The following SOX6 variants were observed in gnomAD, a reference collection of about 807,000 sequenced individuals.
SOX6 encodes SRY-box transcription factor 6.
Under a neutral mutation model 97.8 loss-of-function variants are expected in SOX6, and 11 were observed. The ratio of observed to expected loss-of-function variants is 0.11; its 90% CI spans 0.07 to 0.19. The LOEUF (loss-of-function observed/expected upper bound fraction) is 0.19. Ranked by LOEUF, SOX6 falls within the 10% of genes least tolerant of loss-of-function variation. The pLI, the probability that SOX6 is intolerant of heterozygous loss-of-function variation, is 1.00. For synonymous variants in SOX6, 360 were observed against 371.4 expected, an observed-to-expected ratio of 0.97 and a Z score of 0.35; for missense variants, 810 against 1,039.5, an observed-to-expected ratio of 0.78 and a Z score of 3.04.
intron 3 of SOX6, among the ~76,000 whole-genome samples, chr11:16,619,451 T>C (rs1347407231): frequency 6.6e-6 from 1 of 151,982 alleles, no homozygotes; most frequent in Admixed American, 6.6e-5. Flanking sequence ...TGGTATCCAC[T>C]AGAGAAACCA....
At chr11:16,529,594 A>G (rs945738231) in intron 4 of SOX6, among the ~76,000 whole-genome samples, 10 of 152,080 alleles carry the variant, frequency 6.6e-5, no homozygotes. Flanking sequence ...ACCACTCACA[A>G]TCTTCCAGTA....
chr11:16,143,839 C>A (rs894266834), intron 6 of SOX6, among the ~76,000 whole-genome samples: 2 of 152,182 alleles, frequency 1.3e-5, no homozygotes, highest in Non-Finnish European at 2.9e-5. Context: ...CAGGAGCACC[C>A]AGATTCATAA....
chr11:16,143,697 C>T (rs1850211678), intron 6 of SOX6, among the ~76,000 whole-genome samples: 1 of 152,054 alleles, frequency 6.6e-6, no homozygotes, highest in South Asian at 2.1e-4. Flanking sequence ...GCAGGGGTTG[C>T]AATCCTAGTC....
At chr11:16,266,616 A>G (rs1206908780) in intron 3 of SOX6, among the ~76,000 whole-genome samples, 1 of 151,652 alleles carries the variant, frequency 6.6e-6, no homozygotes, top group African/African-American at 2.4e-5. Flanking sequence ...TAAGATAAGT[A>G]GAATCCAAAT....
At chr11:16,160,303 T>C (rs935726490) in intron 6 of SOX6, among the ~76,000 whole-genome samples, 1 of 152,156 alleles carries the variant, frequency 6.6e-6, no homozygotes, top group African/African-American at 2.4e-5. Context: ...TTCACATCCA[T>C]GTCCTTCACT....
At chr11:16,715,307 A>G (rs1291094713) in intron 2 of SOX6, among the ~76,000 whole-genome samples, 1 of 152,250 alleles carries the variant, frequency 6.6e-6, no homozygotes, top group Non-Finnish European at 1.5e-5. Flanking sequence ...GTTACATAAC[A>G]TATATTATAA....
At chr11:16,292,701 A>G (rs1712742431) in intron 3 of SOX6, among the ~76,000 whole-genome samples, 1 of 152,160 alleles carries the variant, frequency 6.6e-6, no homozygotes, top group South Asian at 2.1e-4. Flanking sequence ...TAGGCTGAAT[A>G]CAGCTGGAAA....
At chr11:16,209,510 C>T (rs547378863) in intron 4 of SOX6, among the ~76,000 whole-genome samples, 33 of 152,260 alleles carry the variant, frequency 2.2e-4, no homozygotes, top group African/African-American at 6.7e-4. Flanking sequence ...AATCCCAGCA[C>T]TTTGGGAGGC....
At chr11:16,426,529 C>G (rs1359781194) in intron 1 of SOX6, among the ~76,000 whole-genome samples, 1 of 152,002 alleles carries the variant, frequency 6.6e-6, no homozygotes, top group African/African-American at 2.4e-5. Flanking sequence ...TGATCATTGA[C>G]AAACGTGACA....
chr11:15,971,274 T>A lies in SOX6; in HGVS notation c.*1535A>T, dbSNP rs1414345569. The A allele has an allele frequency of 6.5e-6, 1 of 152,708 alleles. No individual in the cohort carries two copies. Among genetic ancestry groups the A allele is most frequent in the Non-Finnish European group, 1.5e-5 (1 of 68,074 alleles). The allele number at this position is 152,708 out of a possible 1,614,324, so 9.5% of individuals were successfully genotyped here. On this transcript the variant is annotated 3_prime_UTR_variant, in exon 16 of 16. Transcript: ENST00000683767. ...TGCCACCATCTTTGCTCTGAGGCTG[T>A]CATGTGGCTTTTTGCATCCTGGGGA...
In SOX6 at chr11:16,584,748, T is replaced by C. The variant is rs151138864; in HGVS notation, n.609+27333A>G. 2.0e-3 allele frequency among the ~76,000 whole-genome samples: 302 copies of C among 152,276 alleles called. 1 individual carries two copies. Among genetic ancestry groups the C allele is most frequent in the African/African-American group, 6.0e-3 (251 of 41,560 alleles). ...ACACTGGGGTCCACATCAAAAAAGC[T>C]TGACAGAAACAGAGGGTCACCAACT... On this transcript the variant is annotated intron_variant and non_coding_transcript_variant, in intron 4 of 5. Transcript: ENST00000524520.
At chr11:16,706,326 T>C (rs1047891021) in intron 3 of SOX6, among the ~76,000 whole-genome samples, 5 of 148,266 alleles carry the variant, frequency 3.4e-5, no homozygotes, top group African/African-American at 1.3e-4. Flanking sequence ...CACATTCCTG[T>C]GGTCCCAGCT....
chr11:16,182,959 A>G (rs1316375472), intron 6 of SOX6, among the ~76,000 whole-genome samples: 1 of 151,866 alleles, frequency 6.6e-6, no homozygotes, highest in Admixed American at 6.6e-5. Context: ...AAGTAATAAC[A>G]TAATTCAGAA....
chr11:16,107,486 C>A (rs1458050118), intron 7 of SOX6, among the ~76,000 whole-genome samples: 1 of 149,016 alleles, frequency 6.7e-6, no homozygotes, highest in Non-Finnish European at 1.5e-5. Context: ...ATGTATGCTA[C>A]AATATGGATG....
chr11:16,132,389 AGAAAGAAAGAAAAAAGAAAGAAAG>A (rs1564972213), intron 6 of SOX6, among the ~76,000 whole-genome samples: 10 of 89,286 alleles, frequency 1.1e-4, no homozygotes, highest in East Asian at 4.7e-4. Flanking sequence ...AAAGAAAGAA[AGAAAGAAAGAAAAAAGAAAGAAAG>A]AAAGAAAGAA....
chr11:16,700,332 T>C (rs1848083697), intron 3 of SOX6, among the ~76,000 whole-genome samples: 1 of 152,222 alleles, frequency 6.6e-6, no homozygotes, highest in Non-Finnish European at 1.5e-5. Context: ...CCAGTATACC[T>C]GGACTGGAGA....
At chr11:16,524,157 C>T (rs1354249936) in intron 4 of SOX6, among the ~76,000 whole-genome samples, 3 of 152,136 alleles carry the variant, frequency 2.0e-5, no homozygotes, top group Non-Finnish European at 2.9e-5. Flanking sequence ...ATACCAAAGT[C>T]GGGCAGAGAC....
intron 4 of SOX6, among the ~76,000 whole-genome samples, chr11:16,517,461 T>C (rs1436617274): frequency 1.3e-5 from 2 of 152,242 alleles, no homozygotes; most frequent in African/African-American, 4.8e-5. Flanking sequence ...AAGAGAGGAA[T>C]GTGATGATAG....
Position 16,076,735 on chromosome 11 carries a change from ATTTTTTTTT to A in SOX6, c.1101+19252_1101+19260del, listed in dbSNP as rs1156737950. Among the ~76,000 whole-genome samples, 44 of 94,148 alleles carry A rather than the reference ATTTTTTTTT, an allele frequency of 4.7e-4. 1 individual carries two copies. Among genetic ancestry groups the A allele is most frequent in the African/African-American group, 1.9e-3 (37 of 19,478 alleles). The allele number at this position is 94,148 out of a possible 152,430, so 61.8% of individuals were successfully genotyped here. On this transcript the variant is annotated intron_variant, in intron 9 of 15. Transcript: ENST00000683767. ...GAGAGAGAAGGGGGAGGTACTACACATTTTTTTTTTTTTTTTTTTTTTTTTTTTTGAGAC... is the reference window on the plus strand; with the variant it reads ...GAGAGAGAAGGGGGAGGTACTACACATTTTTTTTTTTTTTTTTTTTGAGAC...
Sources: allele counts gnomAD v4.1 joint callset (sites outside exome capture counted in the v4.1 genomes callset), GRCh38; gene constraint gnomAD v4.1.1; transcripts MANE v1.5; gene names NCBI Gene and HGNC (gene_info 2026-07-23, HGNC 2026-07-21).